Variants in HSPA4 observed in about 807,000 individuals in gnomAD.
HSPA4 encodes heat shock protein family A (Hsp70) member 4.
A neutral mutation model predicts 106.2 loss-of-function variants in HSPA4; 25 were observed. That is an observed-to-expected ratio of 0.24 (90% confidence interval 0.17 to 0.33). The LOEUF is 0.33. Among genes scored for constraint, HSPA4 ranks in the 10% least tolerant of loss-of-function variants. The probability of loss-of-function intolerance (pLI) is 1.00; values close to 1 mark genes in which losing one functional copy is unlikely to be tolerated. For missense variants in HSPA4, 841 were observed against 996.0 expected (o/e 0.84, Z 2.10); for synonymous variants, 332 against 333.6 (o/e 1.00, Z 0.05).
intron 1 of HSPA4, among the ~76,000 whole-genome samples, chr5:133,054,149 T>G (rs529428756): frequency 6.6e-6 from 1 of 152,304 alleles, no homozygotes; most frequent in South Asian, 2.1e-4. Context: ...AACGGTAGTT[T>G]GCTGTCCCTT....
intron 1 of HSPA4, among the ~76,000 whole-genome samples, chr5:133,063,260 TCAC>T (rs1266480568): frequency 1.3e-5 from 2 of 151,178 alleles, no homozygotes; most frequent in Non-Finnish European, 2.9e-5. Context: ...TTACAGGTGC[TCAC>T]CACCATGCCC....
At chr5:133,093,554 G>T (rs182239281) in intron 13 of HSPA4, among the ~76,000 whole-genome samples, 1 of 151,966 alleles carries the variant, frequency 6.6e-6, no homozygotes, top group Admixed American at 6.5e-5. Context: ...ACAGTGGCAT[G>T]ATCTCGGCTC....
rs1167071756 is a variant in HSPA4 at position 133,052,184 on chromosome 5, C to T, written c.-67C>T. 3 of 1,136,944 alleles carry T rather than the reference C, an allele frequency of 2.6e-6. No individual in the cohort carries two copies. The Middle Eastern group carries it at 7.8e-4, about 297-fold the overall frequency. The allele number at this position is 1,136,944 out of a possible 1,614,324, so 70.4% of individuals were successfully genotyped here. A position where few individuals can be genotyped will look rare whatever the true frequency, so the allele number is the denominator to read the frequency against. On this transcript the variant is annotated 5_prime_UTR_variant, in exon 1 of 19. Coordinates refer to ENST00000304858, the MANE Select transcript of HSPA4 (RefSeq NM_002154.4). Reference sequence around the variant, plus strand: ...GAGGCCTGCTTTCCACTCGCTAGCCCCGCCGGGGGTCCGTGTCCTGTCTCG... The same window carrying T: ...GAGGCCTGCTTTCCACTCGCTAGCCTCGCCGGGGGTCCGTGTCCTGTCTCG...
chr5:133,052,506 A>G, intron 1 of HSPA4, 149 bp downstream of exon 1: 1 of 578,774 alleles, frequency 1.7e-6, no homozygotes, highest in Non-Finnish European at 3.0e-6. Flanking sequence ...CCCAGTAGGT[A>G]TTAGGACACT....
chr5:133,103,540 C>T (rs1054614818), intron 17 of HSPA4, among the ~76,000 whole-genome samples: 1 of 152,114 alleles, frequency 6.6e-6, no homozygotes, highest in African/African-American at 2.4e-5. Context: ...GAAACTTCAG[C>T]TCTCATATCT....
In HSPA4 at chr5:133,059,688, G is replaced by A. The variant is rs181109305; in HGVS notation, c.108-5292G>A. On this transcript the variant is annotated intron_variant, in intron 1 of 18. Coordinates refer to ENST00000304858, the MANE Select transcript of HSPA4 (RefSeq NM_002154.4). ...CTGATGGTCCTAATTTTGAATCATA[G>A]ACTCTAATACGTTTCTGGGCACACT... Among the ~76,000 whole-genome samples the A allele has an allele frequency of 2.6e-5, 4 of 152,254 alleles. No individual in the cohort carries two copies. The East Asian group carries it at 7.7e-4, about 29-fold the overall frequency.
intron 13 of HSPA4, among the ~76,000 whole-genome samples, chr5:133,095,343 G>A (rs554230780): frequency 1.3e-5 from 2 of 152,168 alleles, no homozygotes; most frequent in African/African-American, 4.8e-5. Context: ...AGTTGTTTGT[G>A]GGGGAAAGAA....
intron 9 of HSPA4, 97 bp from the exon 10 acceptor site, chr5:133,088,958 C>A (rs1765612106): frequency 1.7e-6 from 1 of 581,696 alleles, no homozygotes; most frequent in Non-Finnish European, 3.0e-6. Context: ...TTTAAAAAGA[C>A]CATTGATTTT....
At chr5:133,089,423 G>C in intron 10 of HSPA4, 139 bp from the exon 11 acceptor site, 3 of 749,960 alleles carry the variant, frequency 4.0e-6, no homozygotes, top group Non-Finnish European at 6.2e-6. Context: ...AGATTCTTGG[G>C]AACTCTTATA....
At chr5:133,090,320 A>G (rs1243975509) in intron 11 of HSPA4, among the ~76,000 whole-genome samples, 1 of 149,942 alleles carries the variant, frequency 6.7e-6, no homozygotes, top group Non-Finnish European at 1.5e-5. Flanking sequence ...AATCCCAGCT[A>G]CTTGGGAGGC....
chr5:133,098,863 G>A (rs1263033117), intron 15 of HSPA4, among the ~76,000 whole-genome samples: 1 of 151,438 alleles, frequency 6.6e-6, no homozygotes, highest in Non-Finnish European at 1.5e-5. Flanking sequence ...AGTAGAGACG[G>A]GGTTTCACCA....
At chr5:133,076,204 C>A in intron 6 of HSPA4, 1 of 157,898 alleles carries the variant, frequency 6.3e-6, no homozygotes, top group Admixed American at 6.0e-5. Flanking sequence ...TTAAGGAATC[C>A]TTTGGTAGTA....
Position 133,086,773 on chromosome 5 carries a change from T to C in HSPA4, c.909-9T>C. On this transcript the variant is annotated splice_polypyrimidine_tract_variant and intron_variant, in intron 7 of 18. Coordinates refer to ENST00000304858, the MANE Select transcript of HSPA4 (RefSeq NM_002154.4). ...TACTGTGTTTTTTGTTTTGTTTTGTTTTTTATAGAGGCAAATTTCTGGAGA... is the reference window on the plus strand; with the variant it reads ...TACTGTGTTTTTTGTTTTGTTTTGTCTTTTATAGAGGCAAATTTCTGGAGA... 3 of 1,606,318 alleles carry C rather than the reference T, an allele frequency of 1.9e-6. No homozygotes were observed. The South Asian group carries it at 3.3e-5, about 18-fold the overall frequency.
intron 4 of HSPA4, among the ~76,000 whole-genome samples, chr5:133,072,337 A>G (rs983181250): frequency 6.6e-6 from 1 of 151,464 alleles, no homozygotes; most frequent in Non-Finnish European, 1.5e-5. Context: ...AGGTTGTAAC[A>G]ATACGGGTGA....
At chr5:133,093,092 A>C (rs1188127015) in intron 13 of HSPA4, among the ~76,000 whole-genome samples, 1 of 151,404 alleles carries the variant, frequency 6.6e-6, no homozygotes, top group Non-Finnish European at 1.5e-5. Flanking sequence ...TGTCCTCCCA[A>C]AGTGCTAGTA....
intron 17 of HSPA4, 132 bp from the exon 18 acceptor site, chr5:133,103,733 G>T (rs1296027292): frequency 5.3e-5 from 37 of 696,744 alleles, no homozygotes; most frequent in Non-Finnish European, 6.7e-5. Context: ...ATTCTGTTCA[G>T]ATTGTGAGGC....
chr5:133,072,194 A>G (rs1056289586), intron 4 of HSPA4, among the ~76,000 whole-genome samples: 7 of 152,138 alleles, frequency 4.6e-5, no homozygotes, highest in African/African-American at 1.7e-4. Flanking sequence ...GCGTATAGCT[A>G]TTCTCATGCT....
intron 8 of HSPA4, 29 bp downstream of exon 8, chr5:133,086,887 G>A (rs1561583119): frequency 6.8e-7 from 1 of 1,469,370 alleles, no homozygotes; most frequent in Non-Finnish European, 9.5e-7. Context: ...GAATTTGTTT[G>A]CGTATCTCAG....
rs755520266 is a variant in HSPA4, at chr5:133,071,284, CAAAAAAAAA to C, written c.429+807_429+815del. ...AACACAATGAGATCCCTGTCTTTACCAAAAAAAAAAAAAAAAAAAAAAAAAAATTAGCTG... is the reference window on the plus strand; with the variant it reads ...AACACAATGAGATCCCTGTCTTTACCAAAAAAAAAAAAAAAAAATTAGCTG... On this transcript the variant is annotated intron_variant, in intron 4 of 18. Transcript: ENST00000304858. Among the ~76,000 whole-genome samples, 4 of 62,088 alleles carry C rather than the reference CAAAAAAAAA, an allele frequency of 6.4e-5. No homozygotes were observed. The Admixed American group carries it at 6.5e-4, about 10-fold the overall frequency. The allele number at this position is 62,088 out of a possible 152,430, so 40.7% of individuals were successfully genotyped here. A position where few individuals can be genotyped will look rare whatever the true frequency, so the allele number is the denominator to read the frequency against.
Sources: gnomAD v4.1 joint callset for allele counts (sites outside exome capture counted in the v4.1 genomes callset) on GRCh38, gnomAD v4.1.1 for gene constraint, MANE v1.5 for transcripts, NCBI Gene and HGNC (gene_info 2026-07-23, HGNC 2026-07-21) for gene names.